Variants in TNFSF4 observed in about 807,000 individuals in gnomAD.
TNFSF4 encodes tumor necrosis factor ligand superfamily member 4.
In TNFSF4, 4 loss-of-function variants were observed where a neutral mutation model predicts 7.3. The ratio of observed to expected loss-of-function variants is 0.55; its 90% CI spans 0.27 to 1.25. TNFSF4 has a LOEUF of 1.25. TNFSF4 is among the 50% of genes most tolerant of loss of function. The pLI is 0.12. For missense variants in TNFSF4, 181 were observed against 208.8 expected, an observed-to-expected ratio of 0.87 and a Z score of 0.82; for synonymous variants, 76 against 83.7, an observed-to-expected ratio of 0.91 and a Z score of 0.50.
chr1:173,360,344 A>C, the TNFSF4 span, among the ~76,000 whole-genome samples: 1 of 152,258 alleles, frequency 6.6e-6, no homozygotes, highest in East Asian at 1.9e-4. Context: ...TTGTCTGACA[A>C]GTCACTGCTG....
the TNFSF4 span, among the ~76,000 whole-genome samples, chr1:173,221,857 C>A: frequency 6.6e-6 from 1 of 152,156 alleles, no homozygotes. Context: ...GAATCCTAAT[C>A]CTAGGGCCAC....
the TNFSF4 span, among the ~76,000 whole-genome samples, chr1:173,398,592 A>T: frequency 3.3e-5 from 5 of 150,802 alleles, no homozygotes; most frequent in African/African-American, 1.2e-4. Context: ...ACCCAGCTAA[A>T]TTTTTTTGTA....
At chr1:173,215,633 T>C in the TNFSF4 span, among the ~76,000 whole-genome samples, 1 of 152,338 alleles carries the variant, frequency 6.6e-6, no homozygotes, top group South Asian at 2.1e-4. Flanking sequence ...ACAAAAAACC[T>C]GTAAGCCTTT....
the TNFSF4 span, among the ~76,000 whole-genome samples, chr1:173,271,447 A>G: frequency 2.0e-5 from 3 of 152,176 alleles, no homozygotes; most frequent in Non-Finnish European, 4.4e-5. Context: ...GTCAAAGATC[A>G]GCTGACAAAG....
At chr1:173,243,115 G>A in the TNFSF4 span, among the ~76,000 whole-genome samples, 1 of 148,018 alleles carries the variant, frequency 6.8e-6, no homozygotes, top group African/African-American at 2.5e-5. Context: ...AATGCCTATT[G>A]CCCCAGGATC....
the TNFSF4 span, among the ~76,000 whole-genome samples, chr1:173,395,029 T>C: frequency 2.9e-5 from 3 of 104,604 alleles, no homozygotes; most frequent in Admixed American, 1.0e-4. Context: ...GATAGATAGA[T>C]AGATAGATGA....
chr1:173,326,206 T>C, the TNFSF4 span, among the ~76,000 whole-genome samples: 1 of 152,104 alleles, frequency 6.6e-6, no homozygotes, highest in African/African-American at 2.4e-5. Context: ...GCAAGGCTGG[T>C]TCAACATATG....
the TNFSF4 span, among the ~76,000 whole-genome samples, chr1:173,322,515 ACTGGGGAGTG>A: frequency 6.6e-6 from 1 of 152,064 alleles, no homozygotes; most frequent in Non-Finnish European, 1.5e-5. Flanking sequence ...GGTTCATCTC[ACTGGGGAGTG>A]CTTGAGAGTG....
At chr1:173,196,543 C>T (rs1382711932) in intron 1 of TNFSF4, among the ~76,000 whole-genome samples, 3 of 152,176 alleles carry the variant, frequency 2.0e-5, no homozygotes, top group African/African-American at 2.4e-5. Flanking sequence ...TACTAAGTAA[C>T]GGCTATGAGT....
At chr1:173,223,074 T>G in the TNFSF4 span, among the ~76,000 whole-genome samples, 1 of 152,194 alleles carries the variant, frequency 6.6e-6, no homozygotes, top group Non-Finnish European at 1.5e-5. Context: ...AATCCCAGCT[T>G]GCCTCAAGCT....
At chr1:173,288,506 T>C in the TNFSF4 span, among the ~76,000 whole-genome samples, 1 of 152,100 alleles carries the variant, frequency 6.6e-6, no homozygotes, top group Non-Finnish European at 1.5e-5. Context: ...TTAAACACAA[T>C]ATGATTGATT....
In TNFSF4 at chr1:173,198,118, A is replaced by G. The variant is rs377663124; in HGVS notation, c.153+8906T>C. 2.8e-3 allele frequency among the ~76,000 whole-genome samples: 419 copies of G among 152,340 alleles called. 3 individuals carry two copies. Among genetic ancestry groups the G allele is most frequent in the African/African-American group, 9.7e-3 (404 of 41,574 alleles). On this transcript the variant is annotated intron_variant, in intron 1 of 2. Coordinates refer to ENST00000281834, the MANE Select transcript of TNFSF4 (RefSeq NM_003326.5). ...TCAGTCTCTTTATTTGAAATCACTC[A>G]TTCCCTTATCTGATTTGCTATATAA...
the TNFSF4 span, among the ~76,000 whole-genome samples, chr1:173,399,480 G>A: frequency 5.0e-4 from 76 of 152,174 alleles, no homozygotes; most frequent in African/African-American, 1.8e-3. Context: ...AGACATAGAA[G>A]TATACAGTAA....
chr1:173,233,211 C>T, the TNFSF4 span, among the ~76,000 whole-genome samples: 1 of 152,102 alleles, frequency 6.6e-6, no homozygotes, highest in East Asian at 1.9e-4. Context: ...ATTCGATCAA[C>T]TGGAAGAAAG....
At position 173,186,510 on chromosome 1, in the gene TNFSF4, A is replaced by C; in HGVS notation, c.*6T>G. On this transcript the variant is annotated 3_prime_UTR_variant, in exon 3 of 3. Coordinates refer to ENST00000281834, the MANE Select transcript of TNFSF4 (RefSeq NM_003326.5). The stretch of plus-strand genomic sequence containing the variant: ...GTGCCTGGTTTTAGATATTGCCATC[A>C]GCCCCTCAAAGGACACAGAATTCAC... 1.2e-6 allele frequency: 2 copies of C among 1,602,776 alleles called. No individual in the cohort carries two copies.
chr1:173,313,886 T>C, the TNFSF4 span, among the ~76,000 whole-genome samples: 1 of 152,112 alleles, frequency 6.6e-6, no homozygotes, highest in Admixed American at 6.6e-5. Context: ...AGCCTAGGGA[T>C]ACTTGTCTTA....
chr1:173,314,667 T>G, the TNFSF4 span, among the ~76,000 whole-genome samples: 39 of 152,300 alleles, frequency 2.6e-4, no homozygotes, highest in Admixed American at 8.5e-4. Context: ...AAGACAGAGA[T>G]GCAGCCACTG....
the TNFSF4 span, among the ~76,000 whole-genome samples, chr1:173,339,874 G>C: frequency 9.2e-5 from 14 of 152,192 alleles, no homozygotes; most frequent in African/African-American, 2.9e-4. Context: ...ATCAGGGGTA[G>C]ACTTGTGATA....
the TNFSF4 span, among the ~76,000 whole-genome samples, chr1:173,369,049 A>G: frequency 6.6e-6 from 1 of 152,154 alleles, no homozygotes; most frequent in African/African-American, 2.4e-5. Flanking sequence ...CCCTCCTCAG[A>G]CTAGCAGGCC....
Sources: gnomAD v4.1 joint callset for allele counts (sites outside exome capture counted in the v4.1 genomes callset) on GRCh38, gnomAD v4.1.1 for gene constraint, MANE v1.5 for transcripts, NCBI Gene and HGNC (gene_info 2026-07-23, HGNC 2026-07-21) for gene names.